The following KCNF1 variants were observed in gnomAD, a reference collection of about 807,000 sequenced individuals.
KCNF1 encodes voltage-gated potassium channel regulatory subunit KCNF1.
Under a neutral mutation model 28.6 loss-of-function variants are expected in KCNF1, and 9 were observed. The ratio of observed to expected loss-of-function variants is 0.31; its 90% CI spans 0.19 to 0.55. KCNF1 has a LOEUF of 0.55. KCNF1 is among the 20% of genes least tolerant of loss of function. The pLI, the probability that KCNF1 is intolerant of heterozygous loss-of-function variation, is 0.93. For missense variants in KCNF1, 461 were observed against 684.2 expected, an observed-to-expected ratio of 0.67 and a Z score of 3.64; for synonymous variants, 328 against 299.6, an observed-to-expected ratio of 1.09 and a Z score of -0.98.
At position 10,913,242 on chromosome 2, in the gene KCNF1, C is replaced by G. The variant is rs560494220; in HGVS notation, c.816C>G (p.Leu272=). ...AILPFYVSLT[L]THLGARMMEL... is the part of the protein sequence containing the mutation. ...TCCCCTTCTACGTGAGCCTCACGCT[C>G]ACGCACCTGGGTGCCCGCATGATGG... The change falls in exon 1 of 1, where the codon CTC becomes CTG. Residue 272 remains leucine, a synonymous_variant. Coordinates refer to ENST00000295082, the MANE Select transcript of KCNF1 (RefSeq NM_002236.5). The surrounding 1 kb of genome is among the most constrained non-coding windows in gnomAD (Gnocchi z 5.5). 1 of 1,613,524 alleles carries G rather than the reference C, an allele frequency of 6.2e-7. No homozygotes were observed. Among genetic ancestry groups the G allele is most frequent in the Non-Finnish European group, 8.5e-7 (1 of 1,180,034 alleles).
At position 10,912,393 on chromosome 2, in the gene KCNF1, C is replaced by G; in HGVS notation, c.-34C>G. Reference sequence around the variant, plus strand: ...GCGGCGGCGGCGGCTGCAGGGGGCGCGGGGCGGAGGCTGCGAGGGCGCGCG... The same window carrying G: ...GCGGCGGCGGCGGCTGCAGGGGGCGGGGGGCGGAGGCTGCGAGGGCGCGCG... On this transcript the variant is annotated 5_prime_UTR_variant, in exon 1 of 1. Transcript: ENST00000295082. The surrounding 1 kb of genome is among the most constrained non-coding windows in gnomAD (Gnocchi z 7.9). 1 of 1,236,000 alleles carries G rather than the reference C, an allele frequency of 8.1e-7. No individual in the cohort carries two copies. The highest frequency in any genetic ancestry group is 1.0e-6 in the Non-Finnish European group (1 of 991,220). 76.6% of individuals were successfully genotyped at this position (1,236,000 alleles called of 1,614,324 possible). A position where few individuals can be genotyped will look rare whatever the true frequency, so the allele number is the denominator to read the frequency against.
chr2:10,912,436 T>A lies in KCNF1; in HGVS notation c.10T>A (p.Ser4Thr), dbSNP rs1661550881. Residue 4 changes from serine to threonine, a missense_variant, in exon 1 of 1, where the codon TCC (serine) becomes ACC (threonine). By Grantham distance (58) the Ser-to-Thr change is moderately conservative (BLOSUM62 1). This residue lies in a region of KCNF1 where 52 missense variants were observed against 39.8 expected (regional missense o/e 1.31). Transcript: ENST00000295082. The surrounding 1 kb of genome is among the most constrained non-coding windows in gnomAD (Gnocchi z 7.9). ...GGCGCGCGCGGGGAGGATGGACGGG[T>A]CCGGGGAGCGCAGCCTCCCGGAGCC... Reference protein sequence around the residue: MDGSGERSLPEPGS... With the variant: MDGTGERSLPEPGS... The A allele has an allele frequency of 3.5e-6, 5 of 1,414,968 alleles. No homozygotes were observed. Among genetic ancestry groups the A allele is most frequent in the Non-Finnish European group, 4.6e-6 (5 of 1,085,834 alleles). The allele number at this position is 1,414,968 out of a possible 1,614,324, so 87.7% of individuals were successfully genotyped here. A position where few individuals can be genotyped will look rare whatever the true frequency, so the allele number is the denominator to read the frequency against.
chr2:10,912,583 A>G lies in KCNF1; in HGVS notation c.157A>G (p.Ile53Val). 2 of 1,612,176 alleles carry G rather than the reference A, an allele frequency of 1.2e-6. No individual in the cohort carries two copies. Among genetic ancestry groups the G allele is most frequent in the Non-Finnish European group, 1.7e-6 (2 of 1,179,372 alleles). The change falls in exon 1 of 1, where the codon ATC becomes GTC. Residue 53 changes from isoleucine (I) to valine (V), a missense_variant. Around this residue, in one of 4 missense-constraint regions of KCNF1, gnomAD observed 193 missense variants for 280.6 expected, o/e 0.69. Transcript: ENST00000295082. This position sits in a 1 kb window ranked among gnomAD's most constrained non-coding sequence, Gnocchi z 7.9. ...CCCTGAGACCCGGCTGGCGGAGCTC[A>G]TCAACTGCTTGGCTGGGGGCTACGA... ...QYPETRLAELINCLAGGYDTI... is the reference protein window; with the variant it reads ...QYPETRLAELVNCLAGGYDTI...
rs373365915 is a variant in KCNF1, at chr2:10,913,762, C to T, written c.1336C>T (p.Arg446Cys). 6.2e-6 allele frequency: 10 copies of T among 1,610,862 alleles called. No homozygotes were observed. Among genetic ancestry groups the T allele is most frequent in the Admixed American group, 1.7e-5 (1 of 59,746 alleles). The change falls in exon 1 of 1, where the codon CGC (arginine) becomes TGC (cysteine). Residue 446 changes from arginine to cysteine, a missense_variant. This residue lies in a region of KCNF1 where 101 missense variants were observed against 102.2 expected (regional missense o/e 0.99). Transcript: ENST00000295082. The surrounding 1 kb of genome is among the most constrained non-coding windows in gnomAD (Gnocchi z 5.5). ...GGGCGAGGGCAAGACCGGGGGCTCCCGCAGTGACCTGGACAACCTCCCTCC... is the reference window on the plus strand; with the variant it reads ...GGGCGAGGGCAAGACCGGGGGCTCCTGCAGTGACCTGGACAACCTCCCTCC... ...SGGEGKTGGS[R>C]SDLDNLPPEP...
Position 10,912,880 on chromosome 2 carries a change from C to T in KCNF1, c.454C>T (p.Leu152=), listed in dbSNP as rs142872443. Residue 152 remains leucine (L), a synonymous_variant, in exon 1 of 1, where the codon CTG becomes TTG. Coordinates refer to ENST00000295082, the MANE Select transcript of KCNF1 (RefSeq NM_002236.5). This position sits in a 1 kb window ranked among gnomAD's most constrained non-coding sequence, Gnocchi z 7.9. ...ARRVQLILDD[L]GVDAAEGRWR... Reference sequence around the variant, plus strand: ...CCGCGTGCAGCTCATCCTGGACGACCTGGGCGTGGACGCAGCCGAGGGCCG... The same window carrying T: ...CCGCGTGCAGCTCATCCTGGACGACTTGGGCGTGGACGCAGCCGAGGGCCG... 6.2e-7 allele frequency: 1 copy of T among 1,613,140 alleles called. No homozygotes were observed. Among genetic ancestry groups the T allele is most frequent in the Non-Finnish European group, 8.5e-7 (1 of 1,179,832 alleles).
Position 10,914,087 on chromosome 2 carries a change from C to T in KCNF1, c.*176C>T. The T allele has an allele frequency of 1.5e-6, 1 of 676,608 alleles. No individual in the cohort carries two copies. Among genetic ancestry groups the T allele is most frequent in the Non-Finnish European group, 2.3e-6 (1 of 433,084 alleles). 41.9% of individuals were successfully genotyped at this position (676,608 alleles called of 1,614,324 possible). On this transcript the variant is annotated 3_prime_UTR_variant, in exon 1 of 1. Transcript: ENST00000295082. The stretch of plus-strand genomic sequence containing the variant: ...GCTGGGTAAGACTCCTCTATGTTGC[C>T]TGCTGTCCAGGAGCCCGGGAGGGAG...
chr2:10,914,046 C>G lies in KCNF1; in HGVS notation c.*135C>G. 10 of 1,029,570 alleles carry G rather than the reference C, an allele frequency of 9.7e-6. No individual in the cohort carries two copies. The highest frequency in any genetic ancestry group is 1.3e-5 in the Non-Finnish European group (10 of 740,864). 63.8% of individuals were successfully genotyped at this position (1,029,570 alleles called of 1,614,324 possible). On this transcript the variant is annotated 3_prime_UTR_variant, in exon 1 of 1. Coordinates refer to ENST00000295082, the MANE Select transcript of KCNF1 (RefSeq NM_002236.5). ...CCTGGACAGACTCTGAAGGCCCTCC[C>G]GGCACCTCTGCCAAGGCTGGGTAAG...
In KCNF1 at chr2:10,914,154, C is replaced by G. The variant is rs1572752649; in HGVS notation, c.*243C>G. 1 of 452,016 alleles carries G rather than the reference C, an allele frequency of 2.2e-6. No individual in the cohort carries two copies. Among genetic ancestry groups the G allele is most frequent in the Non-Finnish European group, 4.0e-6 (1 of 251,512 alleles). 28.0% of individuals were successfully genotyped at this position (452,016 alleles called of 1,614,324 possible). Reference sequence around the variant, plus strand: ...CAGGGCCGTGTGGGACGAGTGGAGGCCGCGGCCTGGCTGGCACGAGAGCCC... The same window carrying G: ...CAGGGCCGTGTGGGACGAGTGGAGGGCGCGGCCTGGCTGGCACGAGAGCCC... On this transcript the variant is annotated 3_prime_UTR_variant, in exon 1 of 1. Coordinates refer to ENST00000295082, the MANE Select transcript of KCNF1 (RefSeq NM_002236.5).
Position 10,912,373 on chromosome 2 carries a change from G to C in KCNF1, c.-54G>C. ...CCGCCGGACCCCCAGCGGCAGCGGC[G>C]GCGGCGGCTGCAGGGGGCGCGGGGC... On this transcript the variant is annotated 5_prime_UTR_variant, in exon 1 of 1. Coordinates refer to ENST00000295082, the MANE Select transcript of KCNF1 (RefSeq NM_002236.5). The surrounding 1 kb of genome is among the most constrained non-coding windows in gnomAD (Gnocchi z 7.9). The C allele has an allele frequency of 1.7e-6, 2 of 1,203,286 alleles. No individual in the cohort carries two copies. Among genetic ancestry groups the C allele is most frequent in the African/African-American group, 1.6e-5 (1 of 63,358 alleles). The allele number at this position is 1,203,286 out of a possible 1,614,324, so 74.5% of individuals were successfully genotyped here.
At position 10,912,477 on chromosome 2, in the gene KCNF1, C is replaced by T; in HGVS notation, c.51C>T (p.Ser17=). 2 of 1,513,922 alleles carry T rather than the reference C, an allele frequency of 1.3e-6. No individual in the cohort carries two copies. The highest frequency in any genetic ancestry group is 1.8e-6 in the Non-Finnish European group (2 of 1,132,362). 93.8% of individuals were successfully genotyped at this position (1,513,922 alleles called of 1,614,324 possible). A position where few individuals can be genotyped will look rare whatever the true frequency, so the allele number is the denominator to read the frequency against. Residue 17 remains serine (S), a synonymous_variant, in exon 1 of 1, where the codon TCC becomes TCT. Coordinates refer to ENST00000295082, the MANE Select transcript of KCNF1 (RefSeq NM_002236.5). The surrounding 1 kb of genome is among the most constrained non-coding windows in gnomAD (Gnocchi z 7.9). ...RSLPEPGSQS[S]AASDDIEIVV... ...TCCCGGAGCCGGGCAGCCAGAGCTC[C>T]GCTGCCAGCGACGACATAGAGATAG...
chr2:10,912,279 G>T lies in KCNF1; in HGVS notation c.-148G>T, dbSNP rs552768809. On this transcript the variant is annotated 5_prime_UTR_variant, in exon 1 of 1. Coordinates refer to ENST00000295082, the MANE Select transcript of KCNF1 (RefSeq NM_002236.5). This position sits in a 1 kb window ranked among gnomAD's most constrained non-coding sequence, Gnocchi z 7.9. ...GGCGCGCCCCCGCAGGCTGCTGCCC[G>T]CTGTGACCGCCCTTCCCCGCAGGCG... 8 of 463,708 alleles carry T rather than the reference G, an allele frequency of 1.7e-5. No homozygotes were observed. The highest frequency in any genetic ancestry group is 2.1e-5 in the Non-Finnish European group (7 of 326,002). The allele number at this position is 463,708 out of a possible 1,614,324, so 28.7% of individuals were successfully genotyped here.
Position 10,914,103 on chromosome 2 carries a change from C to T in KCNF1, c.*192C>T, listed in dbSNP as rs952584389. ...CTATGTTGCCTGCTGTCCAGGAGCC[C>T]GGGAGGGAGGGGTGTGCAGGAGCCG... On this transcript the variant is annotated 3_prime_UTR_variant, in exon 1 of 1. Coordinates refer to ENST00000295082, the MANE Select transcript of KCNF1 (RefSeq NM_002236.5). 2.0e-5 allele frequency: 12 copies of T among 586,084 alleles called. No homozygotes were observed. The highest frequency in any genetic ancestry group is 3.8e-5 in the Admixed American group (1 of 26,526). 36.3% of individuals were successfully genotyped at this position (586,084 alleles called of 1,614,324 possible). A position where few individuals can be genotyped will look rare whatever the true frequency, so the allele number is the denominator to read the frequency against.
rs1321661714 is a variant in KCNF1, at chr2:10,913,765, A to G, written c.1339A>G (p.Ser447Gly). Residue 447 changes from serine to glycine, a missense_variant, in exon 1 of 1, where the codon AGT becomes GGT. By Grantham distance (56) the Ser-to-Gly change is moderately conservative. This residue lies in a region of KCNF1 where 101 missense variants were observed against 102.2 expected (regional missense o/e 0.99). Coordinates refer to ENST00000295082, the MANE Select transcript of KCNF1 (RefSeq NM_002236.5). The surrounding 1 kb of genome is among the most constrained non-coding windows in gnomAD (Gnocchi z 5.5). ...GGEGKTGGSR[S>G]DLDNLPPEPA... ...CGAGGGCAAGACCGGGGGCTCCCGC[A>G]GTGACCTGGACAACCTCCCTCCAGA... 1 of 1,610,652 alleles carries G rather than the reference A, an allele frequency of 6.2e-7. No homozygotes were observed. The highest frequency in any genetic ancestry group is 8.5e-7 in the Non-Finnish European group (1 of 1,178,402).
rs1661579157 is a variant in KCNF1 at position 10,913,674 on chromosome 2, G to A, written c.1248G>A (p.Gln416=). 6.2e-7 allele frequency: 1 copy of A among 1,613,752 alleles called. No homozygotes were observed. The highest frequency in any genetic ancestry group is 8.5e-7 in the Non-Finnish European group (1 of 1,180,028). Residue 416 remains glutamine (Q), a synonymous_variant, in exon 1 of 1, where the codon CAG becomes CAA. Coordinates refer to ENST00000295082, the MANE Select transcript of KCNF1 (RefSeq NM_002236.5). This position sits in a 1 kb window ranked among gnomAD's most constrained non-coding sequence, Gnocchi z 5.5. ...ACTTTGTCAGGTACTACAACAAGCA[G>A]CGCGTCCTGGAGACCGCGGCCAAGC... The part of the protein sequence containing the change: ...INNFVRYYNK[Q]RVLETAAKHE...
rs749678874 is a variant in KCNF1 at position 10,913,010 on chromosome 2, C to T, written c.584C>T (p.Ser195Leu). 1.9e-6 allele frequency: 3 copies of T among 1,602,942 alleles called. No individual in the cohort carries two copies. The highest frequency in any genetic ancestry group is 1.7e-6 in the Non-Finnish European group (2 of 1,179,884). The change falls in exon 1 of 1, where the codon TCG becomes TTG. Residue 195 changes from serine (S) to leucine (L), a missense_variant. Ser to Leu is a moderately radical substitution (Grantham distance 145). Coordinates refer to ENST00000295082, the MANE Select transcript of KCNF1 (RefSeq NM_002236.5). The surrounding 1 kb of genome is among the most constrained non-coding windows in gnomAD (Gnocchi z 5.5). ...CTCTCCTTCCTGCTCATCCTCGTCT[C>T]GTCCGTGGTCATGTGCATGGGCACC... ...AVLSFLLILV[S>L]SVVMCMGTIP...
In KCNF1 at chr2:10,913,583, A is replaced by T; in HGVS notation, c.1157A>T (p.Asn386Ile). The T allele has an allele frequency of 6.2e-7, 1 of 1,613,506 alleles. No individual in the cohort carries two copies. Among genetic ancestry groups the T allele is most frequent in the Non-Finnish European group, 8.5e-7 (1 of 1,179,926 alleles). The change falls in exon 1 of 1, where the codon AAC becomes ATC. Residue 386 changes from asparagine to isoleucine, a missense_variant. Around this residue, in one of 4 missense-constraint regions of KCNF1, gnomAD observed 115 missense variants for 261.6 expected, o/e 0.44. Coordinates refer to ENST00000295082, the MANE Select transcript of KCNF1 (RefSeq NM_002236.5). This position sits in a 1 kb window ranked among gnomAD's most constrained non-coding sequence, Gnocchi z 5.5. ...CCCAAGACCACGCTGGGCAAGCTCAACGCGGCCATCAGCTTCTTGTGTGGT... is the reference window on the plus strand; with the variant it reads ...CCCAAGACCACGCTGGGCAAGCTCATCGCGGCCATCAGCTTCTTGTGTGGT... ...IYPKTTLGKL[N>I]AAISFLCGVI...
Position 10,912,740 on chromosome 2 carries a change from G to A in KCNF1, c.314G>A (p.Cys105Tyr), listed in dbSNP as rs1194220572. The A allele has an allele frequency of 1.2e-6, 2 of 1,614,020 alleles. No individual in the cohort carries two copies. Among genetic ancestry groups the A allele is most frequent in the Non-Finnish European group, 1.7e-6 (2 of 1,180,046 alleles). ...GAGGTCCACATGAAGAAGGGCATCT[G>A]CCCCATCTGCTTCAAGAACGAGATG... ...FGEVHMKKGI[C>Y]PICFKNEMDF... Residue 105 changes from cysteine (C) to tyrosine (Y), a missense_variant, in exon 1 of 1, where the codon TGC becomes TAC. Physicochemically the swap from Cys to Tyr is radical, Grantham distance 194. Coordinates refer to ENST00000295082, the MANE Select transcript of KCNF1 (RefSeq NM_002236.5). The surrounding 1 kb of genome is among the most constrained non-coding windows in gnomAD (Gnocchi z 7.9).
In KCNF1 at chr2:10,913,419, G is replaced by A. The variant is rs968884520; in HGVS notation, c.993G>A (p.Leu331=). 16 of 1,614,072 alleles carry A rather than the reference G, an allele frequency of 9.9e-6. No homozygotes were observed. Among genetic ancestry groups the A allele is most frequent in the Middle Eastern group, 3.3e-4 (2 of 6,084 alleles). ...AACTGGGGCTGCTGCTCATGTACCT[G>A]GCAGTGGGTATCTTCGTCTTCTCTG... ...FKELGLLLMY[L]AVGIFVFSAL... Residue 331 remains leucine (L), a synonymous_variant, in exon 1 of 1, where the codon CTG becomes CTA. Transcript: ENST00000295082. This position sits in a 1 kb window ranked among gnomAD's most constrained non-coding sequence, Gnocchi z 5.5.
At position 10,912,927 on chromosome 2, in the gene KCNF1, C is replaced by T. The variant is rs1410748186; in HGVS notation, c.501C>T (p.Cys167=). The change falls in exon 1 of 1, where the codon TGC becomes TGT. Residue 167 remains cysteine (C), a synonymous_variant. Transcript: ENST00000295082. The surrounding 1 kb of genome is among the most constrained non-coding windows in gnomAD (Gnocchi z 7.9). ...AEGRWRRCQK[C]VWKFLEKPES... ...GCCGCTGGCGCCGCTGCCAGAAGTG[C>T]GTCTGGAAGTTCCTGGAGAAGCCCG... The T allele has an allele frequency of 3.1e-6, 5 of 1,608,766 alleles. No individual in the cohort carries two copies. In the Admixed American group the frequency reaches 5.0e-5, roughly 16 times the overall value.
Sources: gnomAD v4.1 joint callset for allele counts on GRCh38, gnomAD v4.1.1 for gene constraint, gnomAD v4.1.1 regional missense constraint, Gnocchi (gnomAD v3.1) non-coding constraint, MANE v1.5 for transcripts, NCBI Gene and HGNC (gene_info 2026-07-23, HGNC 2026-07-21) for gene names.